The following INPP4B variants were observed in gnomAD, a reference collection of about 807,000 sequenced individuals.
INPP4B encodes inositol polyphosphate-4-phosphatase type II B, also known as inositol polyphosphate 4-phosphatase type II.
In INPP4B, 55 loss-of-function variants were observed where a neutral mutation model predicts 122.5. That is an observed-to-expected ratio of 0.45 (90% CI 0.36 to 0.56). The LOEUF (loss-of-function observed/expected upper bound fraction) is 0.56, where lower values mean the gene tolerates loss of function less well. Among genes scored for constraint, INPP4B ranks in the 20% least tolerant of loss-of-function variants. INPP4B has a pLI of 0.00. For missense variants in INPP4B, 1,000 were observed against 1,097.7 expected (o/e 0.91, Z 1.26); for synonymous variants, 403 against 388.7 (o/e 1.04, Z -0.43).
At chr4:142,609,776 A>T (rs1429049237) in intron 2 of INPP4B, among the ~76,000 whole-genome samples, 3 of 152,200 alleles carry the variant, frequency 2.0e-5, no homozygotes, top group Non-Finnish European at 2.9e-5. Flanking sequence ...CTGTTTCTTG[A>T]AGAGTCAACT....
intron 8 of INPP4B, among the ~76,000 whole-genome samples, chr4:142,313,027 G>A (rs1766133662): frequency 6.6e-6 from 1 of 152,174 alleles, no homozygotes; most frequent in Middle Eastern, 3.2e-3. Context: ...GGACATGTGT[G>A]GGACTCACAT....
intron 11 of INPP4B, among the ~76,000 whole-genome samples, chr4:142,246,016 G>A (rs1405506182): frequency 1.4e-4 from 19 of 138,932 alleles, no homozygotes; most frequent in African/African-American, 4.3e-4. Context: ...ATACACACAT[G>A]TGTGTATGTA....
intron 1 of INPP4B, among the ~76,000 whole-genome samples, chr4:142,768,535 T>C (rs1772514858): frequency 6.6e-6 from 1 of 152,126 alleles, no homozygotes; most frequent in Admixed American, 6.6e-5. Flanking sequence ...GAAATCAGAG[T>C]TAAGTCACAA....
rs1027729919 is a variant in INPP4B at position 142,719,267 on chromosome 4, G to A, written c.-191+6572C>T. The stretch of plus-strand genomic sequence containing the variant: ...AACCTAACCTTATAAAAAATTAATG[G>A]CATTATTTAAAATAACATTATTAGT... On this transcript the variant is annotated intron_variant, in intron 2 of 25. Transcript: ENST00000262992. 3.3e-5 allele frequency among the ~76,000 whole-genome samples: 5 copies of A among 152,064 alleles called. No individual in the cohort carries two copies. The South Asian group carries it at 1.0e-3, about 32-fold the overall frequency.
intron 3 of INPP4B, among the ~76,000 whole-genome samples, chr4:142,447,856 C>T (rs1051352857): frequency 1.3e-5 from 2 of 152,050 alleles, no homozygotes; most frequent in African/African-American, 4.8e-5. Flanking sequence ...TGAGAGGAGG[C>T]AGCAAGGAGG....
At chr4:142,432,592 A>AT (rs34178432) in intron 3 of INPP4B, among the ~76,000 whole-genome samples, 4 of 151,864 alleles carry the variant, frequency 2.6e-5, no homozygotes, top group African/African-American at 4.8e-5. Flanking sequence ...ATGCTTCCTA[A>AT]TTTTTTTTAC....
intron 23 of INPP4B, among the ~76,000 whole-genome samples, chr4:142,101,107 G>C (rs1054042834): frequency 7.9e-5 from 12 of 152,028 alleles, no homozygotes; most frequent in African/African-American, 2.7e-4. Context: ...TAAGGATATA[G>C]GGCTCTGAAA....
intron 2 of INPP4B, among the ~76,000 whole-genome samples, chr4:142,709,826 T>A (rs1351854997): frequency 6.6e-6 from 1 of 152,240 alleles, no homozygotes; most frequent in Non-Finnish European, 1.5e-5. Flanking sequence ...TGTAACCCCC[T>A]CTATCTATTG....
At chr4:142,411,147 TA>T (rs2149243799) in intron 5 of INPP4B, among the ~76,000 whole-genome samples, 1 of 152,196 alleles carries the variant, frequency 6.6e-6, no homozygotes, top group East Asian at 1.9e-4. Context: ...ATGAGAAACT[TA>T]CAATGGAGAA....
chr4:142,367,300 G>C (rs1295620725), intron 7 of INPP4B, among the ~76,000 whole-genome samples: 3 of 151,566 alleles, frequency 2.0e-5, no homozygotes, highest in Non-Finnish European at 4.4e-5. Flanking sequence ...GTAGGTTAAA[G>C]ATGATACAGT....
intron 25 of INPP4B, among the ~76,000 whole-genome samples, chr4:142,039,659 AATCATTTCAAATAACTG>A (rs1746112515): frequency 6.6e-6 from 1 of 152,168 alleles, no homozygotes; most frequent in Non-Finnish European, 1.5e-5. Flanking sequence ...GCTTCCATTA[AATCATTTCAAATAACTG>A]ATTCCAGTTT....
At chr4:142,481,752 G>C (rs1478018846) in intron 2 of INPP4B, among the ~76,000 whole-genome samples, 1 of 152,104 alleles carries the variant, frequency 6.6e-6, no homozygotes, top group African/African-American at 2.4e-5. Context: ...CTCTAGAGTA[G>C]TGCTAGCCAA....
intron 2 of INPP4B, among the ~76,000 whole-genome samples, chr4:142,614,762 A>G (rs537166078): frequency 9.2e-5 from 14 of 152,256 alleles, no homozygotes; most frequent in African/African-American, 3.4e-4. Flanking sequence ...AAGAAAACAT[A>G]CAAGTAACCT....
At chr4:142,724,609 C>G (rs1765107210) in intron 2 of INPP4B, among the ~76,000 whole-genome samples, 1 of 152,024 alleles carries the variant, frequency 6.6e-6, no homozygotes, top group African/African-American at 2.4e-5. Context: ...CTTCATTAAC[C>G]ATTTAAGAAC....
chr4:142,152,396 C>G (rs1228153066), intron 17 of INPP4B, among the ~76,000 whole-genome samples: 1 of 151,886 alleles, frequency 6.6e-6, no homozygotes, highest in Non-Finnish European at 1.5e-5. Flanking sequence ...TTTTAATAGA[C>G]TGTGTGCTCT....
At chr4:142,275,757 A>T (rs2150675540) in intron 9 of INPP4B, among the ~76,000 whole-genome samples, 1 of 151,964 alleles carries the variant, frequency 6.6e-6, no homozygotes, top group South Asian at 2.1e-4. Flanking sequence ...TAATATTAAT[A>T]GCTTAAACTC....
intron 7 of INPP4B, among the ~76,000 whole-genome samples, chr4:142,343,879 C>T (rs1227452159): frequency 6.6e-6 from 1 of 151,984 alleles, no homozygotes; most frequent in East Asian, 1.9e-4. Flanking sequence ...TATGTGAAAG[C>T]ACATTGAAAC....
chr4:142,391,560 TCAAAACAAACAAAAAA>T lies in INPP4B; in HGVS notation c.372+11362_372+11377del, dbSNP rs1478126626. On this transcript the variant is annotated intron_variant, in intron 7 of 25. Coordinates refer to ENST00000262992, the MANE Select transcript of INPP4B (RefSeq NM_001101669.3). ...CTGGGCCAAGAAGTGAGACTGTGTC[TCAAAACAAACAAAAAA>T]CAAAACAAACAAAACAAACAAAAAC... is the stretch of plus-strand genomic sequence containing the variant. Among the ~76,000 whole-genome samples, 5 of 152,054 alleles carry T rather than the reference TCAAAACAAACAAAAAA, an allele frequency of 3.3e-5. No homozygotes were observed. The East Asian group carries it at 7.7e-4, about 24-fold the overall frequency.
At chr4:142,073,909 A>C (rs1327872255) in intron 25 of INPP4B, among the ~76,000 whole-genome samples, 1 of 152,020 alleles carries the variant, frequency 6.6e-6, no homozygotes, top group Non-Finnish European at 1.5e-5. Flanking sequence ...TTCCAAGTGC[A>C]AAGGCATCAA....
Sources: gnomAD v4.1 joint callset for allele counts (sites outside exome capture counted in the v4.1 genomes callset) on GRCh38, gnomAD v4.1.1 for gene constraint, MANE v1.5 for transcripts, NCBI Gene and HGNC (gene_info 2026-07-23, HGNC 2026-07-21) for gene names.